MAGI2: variants seen among roughly 807,000 people sequenced by gnomAD.
The protein encoded by MAGI2 is membrane associated guanylate kinase, WW and PDZ domain containing 2.
MAGI2 carries 35 observed loss-of-function variants against 133.3 expected under a neutral mutation model. That is an observed-to-expected ratio of 0.26 (90% confidence interval 0.20 to 0.35). The LOEUF is 0.35. Ranked by LOEUF, MAGI2 falls within the 10% of genes least tolerant of loss-of-function variation. The pLI is 1.00. For missense variants in MAGI2, 1,636 were observed against 1,863.4 expected, an observed-to-expected ratio of 0.88 and a Z score of 2.25; for synonymous variants, 729 against 710.6, an observed-to-expected ratio of 1.03 and a Z score of -0.41.
At position 79,017,369 on chromosome 7, in the gene MAGI2, T is replaced by C. The variant is rs188193683; in HGVS notation, c.302-10163A>G. 1.5e-3 allele frequency among the ~76,000 whole-genome samples: 230 copies of C among 152,286 alleles called. 1 individual carries two copies. Among genetic ancestry groups the C allele is most frequent in the African/African-American group, 5.2e-3 (218 of 41,568 alleles). On this transcript the variant is annotated intron_variant, in intron 1 of 21. Coordinates refer to ENST00000354212, the MANE Select transcript of MAGI2 (RefSeq NM_012301.4). Reference sequence around the variant, plus strand: ...TCCTTCAAAAATGAAACCAGTCAACTGAACCCACCTTATGCCATAATCAAC... The same window carrying C: ...TCCTTCAAAAATGAAACCAGTCAACCGAACCCACCTTATGCCATAATCAAC...
intron 17 of MAGI2, chr7:78,134,399 G>A (rs1253981784): frequency 1.3e-5 from 2 of 152,220 alleles, no homozygotes; most frequent in Non-Finnish European, 1.5e-5. Flanking sequence ...CACTGTCTCT[G>A]GAAATGGTGA....
intron 1 of MAGI2, among the ~76,000 whole-genome samples, chr7:79,221,266 T>C (rs2129553461): frequency 6.6e-6 from 1 of 152,212 alleles, no homozygotes; most frequent in East Asian, 1.9e-4. Context: ...ATGCATTACC[T>C]TTTATAAGAA....
chr7:78,644,926 A>G (rs1810691006), intron 2 of MAGI2, among the ~76,000 whole-genome samples: 1 of 152,228 alleles, frequency 6.6e-6, no homozygotes, highest in Non-Finnish European at 1.5e-5. Context: ...TTACAATGAA[A>G]GATGTAAGTT....
At chr7:78,929,838 A>G (rs1329592705) in intron 2 of MAGI2, among the ~76,000 whole-genome samples, 1 of 152,082 alleles carries the variant, frequency 6.6e-6, no homozygotes, top group Non-Finnish European at 1.5e-5. Context: ...TGGAGGGGCT[A>G]TTATTGAGCT....
At chr7:78,082,094 C>T (rs997683992) in intron 20 of MAGI2, among the ~76,000 whole-genome samples, 3 of 152,152 alleles carry the variant, frequency 2.0e-5, no homozygotes, top group Non-Finnish European at 4.4e-5. Context: ...TACTTGTGTC[C>T]TGAGACTGAC....
intron 3 of MAGI2, among the ~76,000 whole-genome samples, chr7:78,548,131 T>C (rs1490165035): frequency 2.0e-5 from 3 of 152,140 alleles, no homozygotes; most frequent in Admixed American, 6.5e-5. Flanking sequence ...TAGTCAAAAC[T>C]CCCATTTGAG....
chr7:78,044,120 G>T (rs115385209), intron 21 of MAGI2, among the ~76,000 whole-genome samples: 1 of 152,106 alleles, frequency 6.6e-6, no homozygotes. Context: ...TATTTTATGA[G>T]AAATGTTCAT....
chr7:78,834,340 T>A (rs898302899), intron 2 of MAGI2, among the ~76,000 whole-genome samples: 1 of 152,192 alleles, frequency 6.6e-6, no homozygotes, highest in Non-Finnish European at 1.5e-5. Context: ...CCACATTTCT[T>A]AGCCTTCTCT....
intron 2 of MAGI2, among the ~76,000 whole-genome samples, chr7:78,965,300 C>G (rs111481117): frequency 3.3e-4 from 50 of 151,096 alleles, no homozygotes; most frequent in African/African-American, 1.1e-3. Context: ...CAAAGACAAA[C>G]GATTAACTTG....
At chr7:78,655,579 G>A (rs930362826) in intron 2 of MAGI2, among the ~76,000 whole-genome samples, 1 of 151,688 alleles carries the variant, frequency 6.6e-6, no homozygotes, top group African/African-American at 2.4e-5. Flanking sequence ...TCACCAGAAG[G>A]GAATGAGCAG....
chr7:79,040,790 C>T (rs564924485), intron 1 of MAGI2, among the ~76,000 whole-genome samples: 1 of 152,262 alleles, frequency 6.6e-6, no homozygotes, highest in East Asian at 1.9e-4. Flanking sequence ...CCTTTGCCTT[C>T]TGCCATGATT....
chr7:79,388,771 A>G (rs533755367), intron 1 of MAGI2, among the ~76,000 whole-genome samples: 84 of 151,678 alleles, frequency 5.5e-4, no homozygotes, highest in Non-Finnish European at 1.1e-3. Flanking sequence ...GACTTAACCA[A>G]AAAGGCAGTT....
intron 2 of MAGI2, among the ~76,000 whole-genome samples, chr7:78,862,926 C>T (rs994435324): frequency 1.3e-5 from 2 of 152,186 alleles, no homozygotes; most frequent in Admixed American, 6.5e-5. Context: ...TTAGACAAGA[C>T]ATTTTAAAAC....
intron 1 of MAGI2, among the ~76,000 whole-genome samples, chr7:79,106,696 A>G (rs1818482558): frequency 6.6e-6 from 1 of 152,166 alleles, no homozygotes; most frequent in Non-Finnish European, 1.5e-5. Flanking sequence ...GAGCTATGTC[A>G]AGTATATTTT....
intron 9 of MAGI2, among the ~76,000 whole-genome samples, chr7:78,287,739 A>T (rs1796289196): frequency 6.6e-6 from 1 of 152,206 alleles, no homozygotes; most frequent in Non-Finnish European, 1.5e-5. Context: ...TTAGGCTAGA[A>T]TAGTAATTTT....
chr7:79,046,445 A>C lies in MAGI2; in HGVS notation c.302-39239T>G, dbSNP rs372928730. 2.1e-4 allele frequency among the ~76,000 whole-genome samples: 32 copies of C among 152,358 alleles called. No homozygotes were observed. The South Asian group carries it at 6.2e-3, about 30-fold the overall frequency. On this transcript the variant is annotated intron_variant, in intron 1 of 21. Coordinates refer to ENST00000354212, the MANE Select transcript of MAGI2 (RefSeq NM_012301.4). ...ACATCTGGACTCCAGAATTGTGAGA[A>C]AATAGATTTCTGCTGTTGAAGTCAC...
intron 1 of MAGI2, among the ~76,000 whole-genome samples, chr7:79,268,663 CTA>C (rs1423553310): frequency 2.6e-5 from 4 of 152,170 alleles, no homozygotes. Context: ...TGGATTATCT[CTA>C]TGTTTCCCTT....
rs553642395 is a variant in MAGI2 at position 78,037,435 on chromosome 7, T to C, written c.3707-17459A>G. Among the ~76,000 whole-genome samples, 4 of 152,292 alleles carry C rather than the reference T, an allele frequency of 2.6e-5. No individual in the cohort carries two copies. In the East Asian group the frequency reaches 5.8e-4, roughly 22 times the overall value. ...TTGGAACCATCTGAGCCCTCATCGGTGTTGATAAAGCCTGCCTATGAATTT... is the reference window on the plus strand; with the variant it reads ...TTGGAACCATCTGAGCCCTCATCGGCGTTGATAAAGCCTGCCTATGAATTT... On this transcript the variant is annotated intron_variant, in intron 21 of 21. Transcript: ENST00000354212.
intron 6 of MAGI2, among the ~76,000 whole-genome samples, chr7:78,474,138 T>C (rs1212294093): frequency 1.3e-5 from 2 of 151,728 alleles, no homozygotes; most frequent in Non-Finnish European, 2.9e-5. Flanking sequence ...TATGCTGATA[T>C]GACTATAAGA....
Sources: allele counts gnomAD v4.1 joint callset (sites outside exome capture counted in the v4.1 genomes callset), GRCh38; gene constraint gnomAD v4.1.1; transcripts MANE v1.5; gene names NCBI Gene and HGNC (gene_info 2026-07-23, HGNC 2026-07-21).